The following PNISR variants were observed in gnomAD, a reference collection of about 807,000 sequenced individuals.
PNISR encodes arginine/serine-rich protein PNISR.
In PNISR, 20 loss-of-function variants were observed where a neutral mutation model predicts 93.4. That is an observed-to-expected ratio of 0.21 (90% CI 0.15 to 0.31). The LOEUF is 0.31. Among genes scored for constraint, PNISR ranks in the 10% least tolerant of loss-of-function variants. PNISR has a pLI of 1.00. For synonymous variants in PNISR, 305 were observed against 306.5 expected (o/e 0.99, Z 0.05); for missense variants, 893 against 985.4 (o/e 0.91, Z 1.25).
rs1169059371 is a variant in PNISR at position 99,398,519 on chromosome 6, TATC to T, written c.*2018_*2020del. 6.6e-6 allele frequency: 1 copy of T among 152,078 alleles called. No individual in the cohort carries two copies. Among genetic ancestry groups the T allele is most frequent in the South Asian group, 2.1e-4 (1 of 4,834 alleles). The allele number at this position is 152,078 out of a possible 1,614,324, so 9.4% of individuals were successfully genotyped here. On this transcript the variant is annotated 3_prime_UTR_variant, in exon 12 of 12. Transcript: ENST00000369239. ...TGGTTTATGTACTAATAATCACAAA[TATC>T]ATGACGGCTTTTAAAAAAACTACAG...
At chr6:99,414,810 T>C in intron 2 of PNISR, 120 bp from the exon 3 acceptor site, 1 of 470,204 alleles carries the variant, frequency 2.1e-6, no homozygotes, top group Non-Finnish European at 3.6e-6. Context: ...TTCTTGTCAA[T>C]AGCTTGCCAG....
In PNISR at chr6:99,401,526, C is replaced by A. The variant is rs750856206; in HGVS notation, c.1432G>T (p.Val478Leu). Residue 478 changes from valine (V) to leucine (L), a missense_variant, in exon 12 of 12, where the codon GTG (valine) becomes TTG (leucine). Physicochemically the swap from Val to Leu is conservative, Grantham distance 32. Coordinates refer to ENST00000369239, the MANE Select transcript of PNISR (RefSeq NM_032870.4). Reference sequence around the variant, plus strand: ...GGAGTTCTCTTCTTTTCATTAACCACATCACCGTCTGCTTCTCTTGCTTCT... The same window carrying A: ...GGAGTTCTCTTCTTTTCATTAACCAAATCACCGTCTGCTTCTCTTGCTTCT... ...LLEAREADGD[V>L]VNEKKRTPNE... The A allele has an allele frequency of 6.2e-7, 1 of 1,612,838 alleles. No homozygotes were observed. Among genetic ancestry groups the A allele is most frequent in the African/African-American group, 1.3e-5 (1 of 74,854 alleles).
Position 99,400,077 on chromosome 6 carries a change from A to AT in PNISR, c.*462dup, listed in dbSNP as rs1562220801. ...TGTTTATAGTCTTATTATGCACTAT[A>AT]TTTTTTGAAAAAAACGTAATACAAA... is the stretch of plus-strand genomic sequence containing the variant. On this transcript the variant is annotated 3_prime_UTR_variant, in exon 12 of 12. Coordinates refer to ENST00000369239, the MANE Select transcript of PNISR (RefSeq NM_032870.4). 6.5e-6 allele frequency: 1 copy of AT among 154,750 alleles called. No homozygotes were observed. Among genetic ancestry groups the AT allele is most frequent in the South Asian group, 2.0e-4 (1 of 4,926 alleles). The allele number at this position is 154,750 out of a possible 1,614,324, so 9.6% of individuals were successfully genotyped here.
At chr6:99,424,999 AGC>A in intron 1 of PNISR, 1 of 376,622 alleles carries the variant, frequency 2.7e-6, no homozygotes. Flanking sequence ...TGGGACCGTG[AGC>A]ACTCTCTTTA....
chr6:99,414,242 A>C (rs1777370603), intron 3 of PNISR, among the ~76,000 whole-genome samples: 1 of 152,234 alleles, frequency 6.6e-6, no homozygotes, highest in Admixed American at 6.5e-5. Flanking sequence ...GTTCAATATA[A>C]TATACAACTT....
At position 99,404,703 on chromosome 6, in the gene PNISR, C is replaced by A; in HGVS notation, c.1003-1G>T. 1 of 1,477,826 alleles carries A rather than the reference C, an allele frequency of 6.8e-7. No individual in the cohort carries two copies. Among genetic ancestry groups the A allele is most frequent in the Admixed American group, 1.7e-5 (1 of 59,226 alleles). The allele number at this position is 1,477,826 out of a possible 1,614,324, so 91.5% of individuals were successfully genotyped here. ...TTAGAAGCATTTTTGTCAGCAACAT[C>A]TAAAAAAGAGCATTTTATACAGTAT... is the stretch of plus-strand genomic sequence containing the variant. On this transcript the variant is annotated splice_acceptor_variant, in intron 8 of 11. Coordinates refer to ENST00000369239, the MANE Select transcript of PNISR (RefSeq NM_032870.4). LOFTEE classifies it high-confidence loss of function.
intron 1 of PNISR, 47 bp downstream of exon 1, chr6:99,425,168 G>GT: frequency 8.5e-7 from 1 of 1,179,604 alleles, no homozygotes; most frequent in South Asian, 4.3e-5. Context: ...CAAGAACGTT[G>GT]TAATGGTCCG....
intron 10 of PNISR, chr6:99,403,210 A>G (rs1775742171): frequency 6.6e-6 from 1 of 152,258 alleles, no homozygotes. Flanking sequence ...TAACAAAACC[A>G]CATGGGCATT....
At position 99,401,168 on chromosome 6, in the gene PNISR, G is replaced by C. The variant is rs148531303; in HGVS notation, c.1790C>G (p.Ser597Cys). ...TTCTCTTTCAATGCTATTTCTATTA[G>C]ATCTCCTTCTATCTCTAATCTTTAC... ...ARVKIRDRRR[S>C]NRNSIERERR... The change falls in exon 12 of 12, where the codon TCT (serine) becomes TGT (cysteine). Residue 597 changes from serine (S) to cysteine (C), a missense_variant. Physicochemically the swap from Ser to Cys is moderately radical, Grantham distance 112. Around this residue, in one of 3 missense-constraint regions of PNISR, gnomAD observed 866 missense variants for 935.1 expected, o/e 0.93. Coordinates refer to ENST00000369239, the MANE Select transcript of PNISR (RefSeq NM_032870.4). 84 of 1,613,822 alleles carry C rather than the reference G, an allele frequency of 5.2e-5. No homozygotes were observed. The highest frequency in any genetic ancestry group is 3.5e-4 in the Admixed American group (21 of 59,976).
At chr6:99,419,879 A>G (rs566468814) in intron 1 of PNISR, among the ~76,000 whole-genome samples, 62 of 151,602 alleles carry the variant, frequency 4.1e-4, no homozygotes, top group African/African-American at 1.5e-3. Flanking sequence ...TTTTCTATAC[A>G]TAACTGCATT....
rs544853512 is a variant in PNISR at position 99,401,462 on chromosome 6, T to C, written c.1496A>G (p.His499Arg). Reference sequence around the variant, plus strand: ...CCTTCCTTGTTTTTCTTTTTCTTTATGCTCTTTTTTTGGTTCTAAAACTGA... The same window carrying C: ...CCTTCCTTGTTTTTCTTTTTCTTTACGCTCTTTTTTTGGTTCTAAAACTGA... ...TTSVLEPKKE[H>R]KEKEKQGRSR... Residue 499 changes from histidine (H) to arginine (R), a missense_variant, in exon 12 of 12, where the codon CAT (histidine) becomes CGT (arginine). Coordinates refer to ENST00000369239, the MANE Select transcript of PNISR (RefSeq NM_032870.4). 9 of 1,610,918 alleles carry C rather than the reference T, an allele frequency of 5.6e-6. No individual in the cohort carries two copies. The African/African-American group carries it at 9.4e-5, about 17-fold the overall frequency.
chr6:99,412,865 G>A (rs959959682), intron 3 of PNISR, 126 bp from the exon 4 acceptor site: 8 of 554,418 alleles, frequency 1.4e-5, no homozygotes, highest in South Asian at 5.2e-5. Context: ...AGGGTATGAG[G>A]GAAATTAGAA....
In PNISR at chr6:99,400,871, TTTTG is replaced by T. The variant is rs765176430; in HGVS notation, c.2083_2086del (p.Gln695LysfsTer16). On this transcript the variant is annotated frameshift_variant, in exon 12 of 12. Transcript: ENST00000369239. LOFTEE classifies it high-confidence loss of function. ...GAACTTAAAATCTTTTTCTTCCCTTTTTTGTTTCTCTTTTCTTTTATCCTGTTCA... is the reference window on the plus strand; with the variant it reads ...GAACTTAAAATCTTTTTCTTCCCTTTTTTCTCTTTTCTTTTATCCTGTTCA... 1.0e-5 allele frequency: 16 copies of T among 1,594,040 alleles called. No individual in the cohort carries two copies. Among genetic ancestry groups the T allele is most frequent in the South Asian group, 2.2e-5 (2 of 89,078 alleles).
chr6:99,417,738 G>A (rs1356527274), intron 1 of PNISR, among the ~76,000 whole-genome samples: 1 of 152,072 alleles, frequency 6.6e-6, no homozygotes, highest in Non-Finnish European at 1.5e-5. Flanking sequence ...GGCCAAGGCA[G>A]GTGGATTACC....
At position 99,414,697 on chromosome 6, in the gene PNISR, T is replaced by G; in HGVS notation, c.-31-7A>C. ...AATATACTTGATTTTCTATCTTCAA[T>G]AAATTAAACATAGTTTAAAAATTAT... On this transcript the variant is annotated splice_polypyrimidine_tract_variant and splice_region_variant and intron_variant, in intron 2 of 11. Coordinates refer to ENST00000369239, the MANE Select transcript of PNISR (RefSeq NM_032870.4). The G allele has an allele frequency of 7.9e-7, 1 of 1,264,802 alleles. No individual in the cohort carries two copies. The allele number at this position is 1,264,802 out of a possible 1,614,324, so 78.3% of individuals were successfully genotyped here. A position where few individuals can be genotyped will look rare whatever the true frequency, so the allele number is the denominator to read the frequency against.
chr6:99,420,415 A>G (rs1257324250), intron 1 of PNISR, among the ~76,000 whole-genome samples: 2 of 152,242 alleles, frequency 1.3e-5, no homozygotes, highest in African/African-American at 2.4e-5. Context: ...AAACTTTTAT[A>G]TATGTTTCAG....
rs201543136 is a variant in PNISR at position 99,414,622 on chromosome 6, G to A, written c.38C>T (p.Pro13Leu). The A allele has an allele frequency of 3.5e-4, 569 of 1,608,310 alleles. 7 individuals are homozygous for A. Among genetic ancestry groups the A allele is most frequent in the Non-Finnish European group, 2.6e-5 (30 of 1,175,656 alleles). Residue 13 changes from proline to leucine, a missense_variant, in exon 3 of 12, where the codon CCC becomes CTC. Transcript: ENST00000369239. ...CTGCATCCATTGTTGCTGGTTCAAGGGCCACTGCTGCCAAGGCTGTCCTCC... is the reference window on the plus strand; with the variant it reads ...CTGCATCCATTGTTGCTGGTTCAAGAGCCACTGCTGCCAAGGCTGTCCTCC... ...DQGGQPWQQW[P>L]LNQQQWMQSF...
chr6:99,417,249 C>A (rs749545595), intron 1 of PNISR, among the ~76,000 whole-genome samples: 2 of 152,218 alleles, frequency 1.3e-5, no homozygotes, highest in Admixed American at 6.5e-5. Flanking sequence ...ATAATGACTA[C>A]CTACCATCAT....
intron 10 of PNISR, 126 bp from the exon 11 acceptor site, chr6:99,402,836 G>T: frequency 1.5e-6 from 1 of 653,696 alleles, no homozygotes; most frequent in Non-Finnish European, 2.5e-6. Context: ...ACGCTTATTC[G>T]GGGTGGGGAG....
Sources: allele counts gnomAD v4.1 joint callset (sites outside exome capture counted in the v4.1 genomes callset), GRCh38; gene constraint gnomAD v4.1.1; regional missense constraint gnomAD v4.1.1; transcripts MANE v1.5; gene names NCBI Gene and HGNC (gene_info 2026-07-23, HGNC 2026-07-21).